ZNF7: variants seen among roughly 807,000 people sequenced by gnomAD.
ZNF7 encodes the protein C2-H2 type zinc finger protein.
Under a neutral mutation model 12.0 loss-of-function variants are expected in ZNF7, and 10 were observed. That is an observed-to-expected ratio of 0.83 (90% CI 0.51 to 1.42). The LOEUF (loss-of-function observed/expected upper bound fraction) is 1.42, where lower values mean the gene tolerates loss of function less well. Ranked by LOEUF, ZNF7 falls within the 40% of genes most tolerant of loss-of-function variation. The pLI is 0.00. For synonymous variants in ZNF7, 334 were observed against 295.0 expected (o/e 1.13, Z -1.35); for missense variants, 854 against 837.2 (o/e 1.02, Z -0.25).
At chr8:144,837,231 C>A in intron 3 of ZNF7, 160 bp from the exon 4 acceptor site, 1 of 558,050 alleles carries the variant, frequency 1.8e-6, no homozygotes, top group South Asian at 2.8e-5. Flanking sequence ...CTGCTGTGTC[C>A]CCAGATTCTC....
intron 3 of ZNF7, among the ~76,000 whole-genome samples, chr8:144,832,739 C>G (rs1828585585): frequency 6.6e-6 from 1 of 152,064 alleles, no homozygotes; most frequent in South Asian, 2.1e-4. Context: ...AAAAAAAGTT[C>G]TTCCCTCCTC....
At chr8:144,835,215 T>G (rs917535550) in intron 3 of ZNF7, 18 of 151,978 alleles carry the variant, frequency 1.2e-4, no homozygotes, top group Admixed American at 8.5e-4. Context: ...TTTTTTTTTT[T>G]TTTAAAGAGT....
chr8:144,846,210 G>A, downstream of ZNF7: 1 of 1,525,790 alleles, frequency 6.6e-7, no homozygotes, highest in Non-Finnish European at 8.8e-7. Context: ...CCATAATGCT[G>A]TGTTCTTTTC....
rs756514326 is a variant in ZNF7, at chr8:144,842,985, G to A, written c.1878G>A (p.Lys626=). ...LEGSTFVSRK[K]VNTIKKLHQC... ...GGTCCACCTTTGTGAGCCGTAAAAAGGTTAATACTATAAAGAAACTGCATC... is the reference window on the plus strand; with the variant it reads ...GGTCCACCTTTGTGAGCCGTAAAAAAGTTAATACTATAAAGAAACTGCATC... Residue 626 remains lysine, a synonymous_variant, in exon 5 of 5, where the codon AAG becomes AAA. Transcript: ENST00000532777. 3 of 1,614,200 alleles carry A rather than the reference G, an allele frequency of 1.9e-6. No homozygotes were observed. The South Asian group carries it at 3.3e-5, about 18-fold the overall frequency.
At chr8:144,837,749 A>C (rs1186193209) in intron 4 of ZNF7, among the ~76,000 whole-genome samples, 2 of 152,158 alleles carry the variant, frequency 1.3e-5, no homozygotes, top group African/African-American at 4.8e-5. Flanking sequence ...ACAAAAACGG[A>C]GCTTGTTTTT....
At chr8:144,838,522 ACCTC>A (rs2130642299) in intron 4 of ZNF7, 1 of 187,766 alleles carries the variant, frequency 5.3e-6, no homozygotes, top group East Asian at 1.4e-4. Context: ...GAAGCCCCTC[ACCTC>A]CCTTTCAGTT....
At chr8:144,841,123 T>C (rs2242651) in intron 4 of ZNF7, 220,066 of 513,208 alleles carry the variant, frequency 0.43, 50,305 homozygotes, top group African/African-American at 0.67. Context: ...AACCCAGCCC[T>C]GCCCCAGCAA....
At chr8:144,827,638 G>C in intron 1 of ZNF7, 29 bp downstream of exon 1, 1 of 985,534 alleles carries the variant, frequency 1.0e-6, no homozygotes. Context: ...CGCGGACTCG[G>C]GTTGCCCTCG....
chr8:144,841,638 C>T lies in ZNF7; in HGVS notation c.531C>T (p.Ser177=), dbSNP rs377092852. 83 of 1,614,176 alleles carry T rather than the reference C, an allele frequency of 5.1e-5. No individual in the cohort carries two copies. The highest frequency in any genetic ancestry group is 3.1e-4 in the African/African-American group (23 of 75,042). Residue 177 remains serine (S), a synonymous_variant, in exon 5 of 5, where the codon AGC becomes AGT. Coordinates refer to ENST00000532777, the MANE Select transcript of ZNF7 (RefSeq NM_003416.4). The part of the protein sequence containing the change: ...APQGCKELGS[S]GLDCQPLESQ... ...AGGGATGTAAGGAGCTGGGAAGCAG[C>T]GGCCTGGATTGTCAGCCTCTTGAAA... is the stretch of plus-strand genomic sequence containing the variant.
intron 3 of ZNF7, chr8:144,833,737 TTTC>T (rs2130580896): frequency 6.6e-6 from 1 of 152,234 alleles, no homozygotes; most frequent in East Asian, 1.9e-4. Flanking sequence ...TTTTGTAGTG[TTTC>T]TTAATACTAC....
intron 3 of ZNF7, chr8:144,835,016 A>C (rs2130593690): frequency 6.6e-6 from 1 of 152,200 alleles, no homozygotes; most frequent in Non-Finnish European, 1.5e-5. Context: ...TGCTGGGATT[A>C]CAGGCATGAG....
downstream of ZNF7, among the ~76,000 whole-genome samples, chr8:144,843,991 G>T (rs1053772582): frequency 1.3e-5 from 2 of 152,172 alleles, no homozygotes; most frequent in Non-Finnish European, 2.9e-5. Context: ...GGCAGGCTGG[G>T]CTAGCAGGTA....
Position 144,829,470 on chromosome 8 carries a change from C to T in ZNF7, c.4-8C>T, listed in dbSNP as rs201132072. On this transcript the variant is annotated splice_region_variant and splice_polypyrimidine_tract_variant and intron_variant, in intron 2 of 4. Coordinates refer to ENST00000532777, the MANE Select transcript of ZNF7 (RefSeq NM_003416.4). ...GGATTCCTGGGGTGCTGGTGTGTGT[C>T]CTTTCAGGAGGTGGTAACATTTGGC... The T allele has an allele frequency of 5.0e-5, 81 of 1,613,998 alleles. 1 individual carries two copies. In the East Asian group the frequency reaches 1.8e-3, roughly 36 times the overall value.
chr8:144,838,062 CT>C (rs200210581), intron 4 of ZNF7: 2 of 702,550 alleles, frequency 2.8e-6, no homozygotes, highest in South Asian at 1.5e-5. Context: ...CCGTGCCCCC[CT>C]GTGAAGGCTT....
intron 1 of ZNF7, chr8:144,827,832 G>C: frequency 3.2e-6 from 1 of 312,002 alleles, no homozygotes; most frequent in Non-Finnish European, 4.7e-6. Context: ...GTTTGGCCGA[G>C]TCTCGCAGCT....
chr8:144,827,983 CTCTT>C (rs562570247), intron 1 of ZNF7: 2 of 152,434 alleles, frequency 1.3e-5, no homozygotes, highest in South Asian at 4.1e-4. Flanking sequence ...AGAGCCTTTT[CTCTT>C]TCTATTTATT....
At chr8:144,828,897 C>G in intron 1 of ZNF7, 146 bp from the exon 2 acceptor site, 1 of 1,000,994 alleles carries the variant, frequency 1.0e-6, no homozygotes, top group South Asian at 1.6e-5. Flanking sequence ...ACTCAAGTGC[C>G]ATGGCTGCTT....
chr8:144,842,742 G>A lies in ZNF7; in HGVS notation c.1635G>A (p.Arg545=), dbSNP rs761662038. 1.2e-6 allele frequency: 2 copies of A among 1,613,614 alleles called. No homozygotes were observed. Among genetic ancestry groups the A allele is most frequent in the East Asian group, 4.5e-5 (2 of 44,818 alleles). The part of the protein sequence containing the change: ...SMSTQLTIHQ[R]VHTGERPYKC... The stretch of plus-strand genomic sequence containing the variant: ...GCACACAGCTTACAATACATCAAAG[G>A]GTTCACACTGGAGAGAGGCCCTATA... The change falls in exon 5 of 5, where the codon AGG becomes AGA. Residue 545 remains arginine, a synonymous_variant. Transcript: ENST00000532777.
intron 3 of ZNF7, chr8:144,831,030 G>C (rs1025239977): frequency 2.2e-6 from 1 of 456,212 alleles, no homozygotes; most frequent in Non-Finnish European, 4.4e-6. Context: ...GCAGCTTTTC[G>C]TAAGTGGTGT....
Sources: gnomAD v4.1 joint callset for allele counts (sites outside exome capture counted in the v4.1 genomes callset) on GRCh38, gnomAD v4.1.1 for gene constraint, MANE v1.5 for transcripts, NCBI Gene and HGNC (gene_info 2026-07-23, HGNC 2026-07-21) for gene names.